The following MRTFB variants were observed in gnomAD, a reference collection of about 807,000 sequenced individuals.
The protein encoded by MRTFB is myocardin related transcription factor B.
Under a neutral mutation model 104.2 loss-of-function variants are expected in MRTFB, and 29 were observed. The observed-to-expected ratio is 0.28, with a 90% CI of 0.21 to 0.38. The LOEUF is 0.38. MRTFB is among the 10% of genes least tolerant of loss of function. The pLI is 1.00. For missense variants in MRTFB, 1,270 were observed against 1,341.6 expected (o/e 0.95, Z 0.83); for synonymous variants, 535 against 519.5 (o/e 1.03, Z -0.41).
At chr16:14,241,760 A>G (rs2042776133) in intron 10 of MRTFB, among the ~76,000 whole-genome samples, 1 of 152,120 alleles carries the variant, frequency 6.6e-6, no homozygotes. Context: ...ACATCAGGGC[A>G]TGGAGATGAA....
the MRTFB span, among the ~76,000 whole-genome samples, chr16:14,063,176 A>G: frequency 2.0e-5 from 3 of 152,262 alleles, no homozygotes; most frequent in Middle Eastern, 3.4e-3. Context: ...GCTTAGATTG[A>G]CCAACAGGAA....
chr16:14,007,397 C>T, the MRTFB span, among the ~76,000 whole-genome samples: 2 of 152,266 alleles, frequency 1.3e-5, no homozygotes, highest in East Asian at 1.9e-4. Flanking sequence ...CCCCATGTTG[C>T]GGCAGGGATC....
chr16:14,045,351 G>C, the MRTFB span, among the ~76,000 whole-genome samples: 1 of 152,274 alleles, frequency 6.6e-6, no homozygotes, highest in East Asian at 1.9e-4. Flanking sequence ...CCTAGATCCC[G>C]ACACAGCTGA....
At chr16:14,157,043 T>C (rs2038854308) in intron 3 of MRTFB, among the ~76,000 whole-genome samples, 1 of 152,234 alleles carries the variant, frequency 6.6e-6, no homozygotes, top group Non-Finnish European at 1.5e-5. Flanking sequence ...GAAATTTACA[T>C]GCATATAAAC....
intron 2 of MRTFB, among the ~76,000 whole-genome samples, chr16:14,093,243 ATTT>A (rs59073217): frequency 2.1e-5 from 3 of 146,004 alleles, no homozygotes; most frequent in African/African-American, 7.4e-5. Context: ...TGAGAGATGG[ATTT>A]TTTTTTTTTT....
At chr16:14,097,996 G>C (rs1329424715) in intron 2 of MRTFB, among the ~76,000 whole-genome samples, 1 of 152,154 alleles carries the variant, frequency 6.6e-6, no homozygotes, top group Non-Finnish European at 1.5e-5. Flanking sequence ...TGTTGTTGAT[G>C]TGTTTACTGT....
rs532384839 is a variant in MRTFB, at chr16:14,238,560, C to T, written c.832-1677C>T. 1.2e-3 allele frequency among the ~76,000 whole-genome samples: 179 copies of T among 152,220 alleles called. 2 individuals are homozygous for T. The highest frequency in any genetic ancestry group is 4.0e-3 in the African/African-American group (165 of 41,536). ...AATTACAAGATCTAGGCTATCATCA[C>T]ACAGTGACTGGCTGAGAGAGGAGAT... On this transcript the variant is annotated intron_variant, in intron 9 of 16. Coordinates refer to ENST00000571589, the MANE Select transcript of MRTFB (RefSeq NM_001308142.2).
chr16:14,160,952 T>G (rs2039008551), intron 3 of MRTFB, among the ~76,000 whole-genome samples: 1 of 152,140 alleles, frequency 6.6e-6, no homozygotes, highest in African/African-American at 2.4e-5. Flanking sequence ...GAATTAGCCC[T>G]TGCTGTAAGA....
intron 3 of MRTFB, among the ~76,000 whole-genome samples, chr16:14,185,100 A>G (rs1472066528): frequency 6.6e-6 from 1 of 152,216 alleles, no homozygotes; most frequent in Non-Finnish European, 1.5e-5. Flanking sequence ...AGGGTCAGAG[A>G]TAGTAACAGA....
chr16:14,052,063 G>A, the MRTFB span, among the ~76,000 whole-genome samples: 14 of 152,074 alleles, frequency 9.2e-5, no homozygotes, highest in South Asian at 2.1e-4. Flanking sequence ...CATGTGAAGC[G>A]CGCCACCCAC....
At chr16:14,002,381 C>T in the MRTFB span, among the ~76,000 whole-genome samples, 12 of 149,578 alleles carry the variant, frequency 8.0e-5, no homozygotes, top group East Asian at 1.4e-3. Flanking sequence ...AGACTCCGTC[C>T]GGGAAAAAAA....
chr16:14,013,290 A>T, the MRTFB span: 3 of 152,170 alleles, frequency 2.0e-5, no homozygotes, highest in Admixed American at 2.0e-4. Context: ...TCTATCCGGA[A>T]ATTGATCAAT....
At chr16:14,084,945 G>C (rs113231544) in intron 2 of MRTFB, among the ~76,000 whole-genome samples, 3 of 152,090 alleles carry the variant, frequency 2.0e-5, no homozygotes, top group Non-Finnish European at 4.4e-5. Context: ...GAGAGCCAGC[G>C]TAGGCAATAT....
chr16:14,216,627 C>T (rs758468540), intron 6 of MRTFB, among the ~76,000 whole-genome samples: 2 of 151,878 alleles, frequency 1.3e-5, no homozygotes, highest in Admixed American at 6.6e-5. Flanking sequence ...GATGACCGAC[C>T]GAGACACAGG....
intron 3 of MRTFB, among the ~76,000 whole-genome samples, chr16:14,208,496 A>G (rs2041047552): frequency 6.6e-6 from 1 of 152,182 alleles, no homozygotes; most frequent in African/African-American, 2.4e-5. Flanking sequence ...GAGAAAGGAA[A>G]GATTTTCCTG....
chr16:14,200,712 C>G, intron 3 of MRTFB: 1 of 1,527,828 alleles, frequency 6.5e-7, no homozygotes, highest in Non-Finnish European at 9.1e-7. Context: ...GAAACTGTGT[C>G]AGAGGCTGAA....
At chr16:14,173,684 C>T (rs944991652) in intron 3 of MRTFB, among the ~76,000 whole-genome samples, 1 of 152,146 alleles carries the variant, frequency 6.6e-6, no homozygotes, top group African/African-American at 2.4e-5. Context: ...CTCTGCCATC[C>T]TTCTGGGACT....
chr16:14,129,859 C>T (rs943531765), intron 2 of MRTFB, among the ~76,000 whole-genome samples: 10 of 152,208 alleles, frequency 6.6e-5, no homozygotes, highest in East Asian at 3.9e-4. Context: ...GATGGAGTTT[C>T]GCTCTGTTGC....
chr16:14,230,025 T>C (rs1296809525), intron 8 of MRTFB, among the ~76,000 whole-genome samples: 1 of 152,162 alleles, frequency 6.6e-6, no homozygotes, highest in African/African-American at 2.4e-5. Context: ...ATAATAAAAG[T>C]ATTCTTTTGG....
Sources: gnomAD v4.1 joint callset for allele counts (sites outside exome capture counted in the v4.1 genomes callset) on GRCh38, gnomAD v4.1.1 for gene constraint, MANE v1.5 for transcripts, NCBI Gene and HGNC (gene_info 2026-07-23, HGNC 2026-07-21) for gene names.